The following CCDC146 variants were observed in gnomAD, a reference collection of about 807,000 sequenced individuals.
CCDC146 encodes the protein coiled-coil domain containing 146.
A neutral mutation model predicts 119.3 loss-of-function variants in CCDC146; 92 were observed. The observed-to-expected ratio is 0.77, with a 90% CI of 0.65 to 0.92. The LOEUF (loss-of-function observed/expected upper bound fraction) is 0.92, where lower values mean the gene tolerates loss of function less well. Ranked by LOEUF, CCDC146 falls within the 40% of genes least tolerant of loss-of-function variation. CCDC146 has a pLI of 0.00. For synonymous variants in CCDC146, 372 were observed against 371.8 expected (o/e 1.00, Z -0.01); for missense variants, 1,000 against 1,103.0 (o/e 0.91, Z 1.32).
chr7:77,249,231 C>T (rs1793011449), intron 4 of CCDC146, among the ~76,000 whole-genome samples: 1 of 152,146 alleles, frequency 6.6e-6, no homozygotes, highest in Admixed American at 6.5e-5. Flanking sequence ...GTGGCTGTCA[C>T]CTGTAATCCC....
chr7:77,160,170 A>G (rs1447540722), intron 1 of CCDC146, among the ~76,000 whole-genome samples: 2 of 152,164 alleles, frequency 1.3e-5, no homozygotes, highest in South Asian at 2.1e-4. Flanking sequence ...TGGTTACTGT[A>G]GCCTTGTAGT....
intron 15 of CCDC146, among the ~76,000 whole-genome samples, chr7:77,284,744 G>A (rs758304101): frequency 4.2e-4 from 64 of 151,834 alleles, no homozygotes; most frequent in Non-Finnish European, 7.4e-4. Context: ...TACACTCCCT[G>A]CCTGATGGTG....
chr7:77,279,522 C>T (rs918319850), intron 13 of CCDC146, among the ~76,000 whole-genome samples: 2 of 152,104 alleles, frequency 1.3e-5, no homozygotes, highest in African/African-American at 2.4e-5. Flanking sequence ...ACAATCAAAT[C>T]GTTTGTTAAC....
chr7:77,133,480 T>C (rs1224432146), intron 1 of CCDC146, among the ~76,000 whole-genome samples: 1 of 152,002 alleles, frequency 6.6e-6, no homozygotes, highest in East Asian at 1.9e-4. Flanking sequence ...CCCCACTTAG[T>C]AGCTGGGACT....
At chr7:77,278,890 C>G (rs765204311) in intron 12 of CCDC146, 47 bp from the exon 13 acceptor site, 1 of 1,596,382 alleles carries the variant, frequency 6.3e-7, no homozygotes, top group Admixed American at 1.7e-5. Context: ...GGAAAAAAAC[C>G]TGATGTTCAT....
intron 2 of CCDC146, among the ~76,000 whole-genome samples, chr7:77,179,188 G>A (rs116723087): frequency 0.011 from 1,607 of 152,278 alleles, 29 homozygotes; most frequent in African/African-American, 0.036. Flanking sequence ...AGACTGGGAA[G>A]TTAAGGAACA....
intron 2 of CCDC146, among the ~76,000 whole-genome samples, chr7:77,180,649 G>C (rs1791572874): frequency 6.6e-6 from 1 of 152,132 alleles, no homozygotes; most frequent in Non-Finnish European, 1.5e-5. Context: ...AGTGAGCCGA[G>C]ATCACTCTAC....
intron 2 of CCDC146, among the ~76,000 whole-genome samples, chr7:77,219,622 T>C (rs1011271052): frequency 1.2e-4 from 18 of 152,238 alleles, no homozygotes; most frequent in African/African-American, 4.1e-4. Flanking sequence ...AACTTTTAAA[T>C]GTAACACTTT....
At chr7:77,133,399 G>A (rs1790814315) in intron 1 of CCDC146, among the ~76,000 whole-genome samples, 1 of 152,072 alleles carries the variant, frequency 6.6e-6, no homozygotes, top group African/African-American at 2.4e-5. Flanking sequence ...TGCCCAGGCT[G>A]GGGTGCAGTG....
At chr7:77,179,195 A>G (rs1791544149) in intron 2 of CCDC146, among the ~76,000 whole-genome samples, 2 of 152,204 alleles carry the variant, frequency 1.3e-5, no homozygotes, top group South Asian at 4.1e-4. Flanking sequence ...GAAGTTAAGG[A>G]ACAGAGTATC....
intron 1 of CCDC146, among the ~76,000 whole-genome samples, chr7:77,148,601 T>G (rs1791060104): frequency 6.6e-6 from 1 of 151,886 alleles, no homozygotes. Flanking sequence ...GCCCCAAATC[T>G]CCTTAAGCTG....
chr7:77,211,862 C>T (rs971643022), intron 2 of CCDC146, among the ~76,000 whole-genome samples: 1 of 152,086 alleles, frequency 6.6e-6, no homozygotes, highest in Non-Finnish European at 1.5e-5. Context: ...GTGATCGGCC[C>T]ACCCCAGCCT....
rs761716323 is a variant in CCDC146, at chr7:77,286,876, C to A, written c.2227C>A (p.Leu743Ile). 1 of 1,614,110 alleles carries A rather than the reference C, an allele frequency of 6.2e-7. No homozygotes were observed. The highest frequency in any genetic ancestry group is 8.5e-7 in the Non-Finnish European group (1 of 1,179,982). ...KPDGENRARF[L>I]PGKDLTEKEM... is the part of the protein sequence containing the mutation. ...TGATGGTGAGAATAGAGCTCGCTTC[C>A]TTCCAGGGAAAGATCTGACCGAAAA... The change falls in exon 16 of 19, where the codon CTT becomes ATT. Residue 743 changes from leucine to isoleucine, a missense_variant. Physicochemically the swap from Leu to Ile is conservative, Grantham distance 5 (BLOSUM62 2). Transcript: ENST00000285871.
intron 15 of CCDC146, among the ~76,000 whole-genome samples, chr7:77,283,352 T>TA (rs1483284967): frequency 1.3e-5 from 2 of 152,188 alleles, no homozygotes; most frequent in East Asian, 1.9e-4. Context: ...ACAAAATAAA[T>TA]AAAATGTGAA....
intron 2 of CCDC146, among the ~76,000 whole-genome samples, chr7:77,227,362 G>A (rs547398854): frequency 3.3e-5 from 5 of 152,180 alleles, no homozygotes; most frequent in Non-Finnish European, 7.3e-5. Context: ...CTGGAGTGCA[G>A]TGGTGCAATC....
At chr7:77,129,780 A>C (rs887829016) in intron 1 of CCDC146, among the ~76,000 whole-genome samples, 2 of 152,148 alleles carry the variant, frequency 1.3e-5, no homozygotes, top group African/African-American at 4.8e-5. Flanking sequence ...ACTTATTGAT[A>C]TTCTCTGATG....
chr7:77,158,517 T>G (rs6965569), intron 1 of CCDC146, among the ~76,000 whole-genome samples: 20,492 of 150,936 alleles, frequency 0.14, 1,416 homozygotes, highest in East Asian at 0.19. Flanking sequence ...ATATTTATTG[T>G]TTTTTTTTGT....
intron 4 of CCDC146, among the ~76,000 whole-genome samples, chr7:77,249,588 C>T (rs751109297): frequency 3.8e-5 from 4 of 105,064 alleles, no homozygotes; most frequent in Non-Finnish European, 1.0e-4. Flanking sequence ...CTTTTTCTTG[C>T]TCTGAAGTTC....
At chr7:77,267,384 T>C (rs3108440) in intron 9 of CCDC146, among the ~76,000 whole-genome samples, 134,121 of 152,126 alleles carry the variant, frequency 0.88, 59,391 homozygotes, top group East Asian at 0.98. Flanking sequence ...CATAGAAAGT[T>C]TGTCCATGTA....
Sources: allele counts gnomAD v4.1 joint callset (sites outside exome capture counted in the v4.1 genomes callset), GRCh38; gene constraint gnomAD v4.1.1; transcripts MANE v1.5; gene names NCBI Gene and HGNC (gene_info 2026-07-23, HGNC 2026-07-21).